SH3GL2: variants seen among roughly 807,000 people sequenced by gnomAD.
SH3GL2 encodes the protein SH3 domain containing GRB2 like 2, endophilin A1, also known as endophilin-A1.
SH3GL2 carries 24 observed loss-of-function variants against 46.0 expected under a neutral mutation model. The ratio of observed to expected loss-of-function variants is 0.52; its 90% CI spans 0.38 to 0.73. The LOEUF is 0.73. SH3GL2 is among the 30% of genes least tolerant of loss of function. The pLI is 0.00. For missense variants in SH3GL2, 413 were observed against 424.2 expected (o/e 0.97, Z 0.23); for synonymous variants, 196 against 147.1 (o/e 1.33, Z -2.40).
intron 1 of SH3GL2, among the ~76,000 whole-genome samples, chr9:17,605,274 AG>A (rs1460945683): frequency 6.6e-6 from 1 of 152,082 alleles, no homozygotes; most frequent in Non-Finnish European, 1.5e-5. Flanking sequence ...CTACTGCAGT[AG>A]GCTACAGTTA....
rs1820832961 is a variant in SH3GL2 at position 17,683,718 on chromosome 9, TG to T, written c.46-63344del. On this transcript the variant is annotated intron_variant, in intron 1 of 8. Transcript: ENST00000380607. ...TGCTGATGGTCTACTGCTAGGGGAG[TG>T]GGGAGAACATGGAGAAAGACCTCCC... 2.0e-5 allele frequency among the ~76,000 whole-genome samples: 3 copies of T among 151,322 alleles called. No individual in the cohort carries two copies. In the South Asian group the frequency reaches 6.3e-4, roughly 32 times the overall value.
chr9:17,789,166 A>G lies in SH3GL2; in HGVS notation c.466-226A>G, dbSNP rs1208023087. Reference sequence around the variant, plus strand: ...AAAATAAAGGGCACTGATATTTCCTATAATTTATCTTTTATTCTTAATTAT... The same window carrying G: ...AAAATAAAGGGCACTGATATTTCCTGTAATTTATCTTTTATTCTTAATTAT... On this transcript the variant is annotated intron_variant, in intron 5 of 8. Transcript: ENST00000380607. Among the ~76,000 whole-genome samples, 5 of 152,206 alleles carry G rather than the reference A, an allele frequency of 3.3e-5. No individual in the cohort carries two copies. The East Asian group carries it at 5.8e-4, about 18-fold the overall frequency.
At chr9:17,657,186 A>G (rs1820106099) in intron 1 of SH3GL2, among the ~76,000 whole-genome samples, 1 of 152,224 alleles carries the variant, frequency 6.6e-6, no homozygotes, top group Non-Finnish European at 1.5e-5. Flanking sequence ...GTTAGTTGCC[A>G]GGCACTTTAC....
At chr9:17,661,410 G>C (rs574472311) in intron 1 of SH3GL2, among the ~76,000 whole-genome samples, 38 of 152,190 alleles carry the variant, frequency 2.5e-4, no homozygotes, top group Admixed American at 1.8e-3. Context: ...ACAAAGATGT[G>C]TACACAGTGG....
At chr9:17,728,782 A>C (rs2118397876) in intron 1 of SH3GL2, among the ~76,000 whole-genome samples, 1 of 152,234 alleles carries the variant, frequency 6.6e-6, no homozygotes, top group East Asian at 1.9e-4. Flanking sequence ...ATCCTCATCC[A>C]TGTCTCTGCA....
chr9:17,605,960 A>G (rs1818752617), intron 1 of SH3GL2, among the ~76,000 whole-genome samples: 1 of 151,890 alleles, frequency 6.6e-6, no homozygotes, highest in South Asian at 2.1e-4. Context: ...TATTTTTTGA[A>G]CTCTGACACT....
In SH3GL2 at chr9:17,795,806, G is replaced by A. The variant is rs796695246; in HGVS notation, c.*63G>A. On this transcript the variant is annotated 3_prime_UTR_variant, in exon 9 of 9. Transcript: ENST00000380607. ...ATAGTTACGGTTAACCACTGCTTTG[G>A]CAATGCTGCTTATAACACATCCCAA... 1.2e-5 allele frequency: 16 copies of A among 1,345,232 alleles called. No homozygotes were observed. The highest frequency in any genetic ancestry group is 2.6e-5 in the South Asian group (2 of 77,688). The allele number at this position is 1,345,232 out of a possible 1,614,324, so 83.3% of individuals were successfully genotyped here.
chr9:17,795,092 G>T (rs117133675), intron 8 of SH3GL2, among the ~76,000 whole-genome samples: 3 of 152,140 alleles, frequency 2.0e-5, no homozygotes, highest in Admixed American at 1.3e-4. Context: ...CATTCTCCAT[G>T]TAATTCACCA....
chr9:17,661,889 G>A (rs185871751), intron 1 of SH3GL2, among the ~76,000 whole-genome samples: 3 of 152,270 alleles, frequency 2.0e-5, no homozygotes, highest in Admixed American at 6.5e-5. Flanking sequence ...TAAAATGTGT[G>A]TTATAATACT....
rs150030811 is a variant in SH3GL2 at position 17,579,936 on chromosome 9, A to G, written c.45+649A>G. 6.8e-3 allele frequency among the ~76,000 whole-genome samples: 1,038 copies of G among 152,326 alleles called. 4 individuals are homozygous for G. The highest frequency in any genetic ancestry group is 0.027 in the Middle Eastern group (8 of 294). On this transcript the variant is annotated intron_variant, in intron 1 of 8. Coordinates refer to ENST00000380607, the MANE Select transcript of SH3GL2 (RefSeq NM_003026.5). The stretch of plus-strand genomic sequence containing the variant: ...GACAAACAGTCTGCGGGTCTTAAAT[A>G]TTTCCCTAAAACAACCAAATTGTTG...
intron 1 of SH3GL2, among the ~76,000 whole-genome samples, chr9:17,728,509 G>T (rs1433847967): frequency 6.6e-6 from 1 of 151,820 alleles, no homozygotes; most frequent in East Asian, 1.9e-4. Flanking sequence ...TAAGTTCTGG[G>T]ATACATGTGC....
At chr9:17,776,808 GA>G (rs1331813252) in intron 3 of SH3GL2, among the ~76,000 whole-genome samples, 1 of 152,098 alleles carries the variant, frequency 6.6e-6, no homozygotes, top group East Asian at 1.9e-4. Context: ...CTTTCTGGAA[GA>G]AAAACCTTGA....
chr9:17,792,481 A>G (rs371345399), intron 7 of SH3GL2, among the ~76,000 whole-genome samples: 4 of 152,170 alleles, frequency 2.6e-5, no homozygotes, highest in East Asian at 1.9e-4. Context: ...TTGTTTATTG[A>G]ATAACTGAAA....
intron 1 of SH3GL2, among the ~76,000 whole-genome samples, chr9:17,626,088 C>G (rs1347334024): frequency 2.0e-5 from 3 of 152,148 alleles, no homozygotes; most frequent in Admixed American, 6.5e-5. Context: ...CCACTTGGCT[C>G]TTTGGTTTTG....
intron 1 of SH3GL2, among the ~76,000 whole-genome samples, chr9:17,732,774 A>G (rs1822218145): frequency 6.6e-6 from 1 of 152,152 alleles, no homozygotes; most frequent in African/African-American, 2.4e-5. Flanking sequence ...TTTCCAAGAA[A>G]ATGTTCACCA....
In SH3GL2 at chr9:17,787,312, A is replaced by G. The variant is rs929071714; in HGVS notation, c.332-68A>G. On this transcript the variant is annotated intron_variant, in intron 4 of 8. Coordinates refer to ENST00000380607, the MANE Select transcript of SH3GL2 (RefSeq NM_003026.5). ...TAATCCTTTGGGTTTTCATCTGTGA[A>G]GGGCCCTGTTATTGCGAGTGCATTT... 1.2e-5 allele frequency: 16 copies of G among 1,298,266 alleles called. No homozygotes were observed. The African/African-American group carries it at 2.4e-4, about 19-fold the overall frequency. 80.4% of individuals were successfully genotyped at this position (1,298,266 alleles called of 1,614,324 possible).
intron 2 of SH3GL2, among the ~76,000 whole-genome samples, chr9:17,759,717 C>T (rs1353615595): frequency 2.0e-5 from 3 of 152,002 alleles, no homozygotes; most frequent in Non-Finnish European, 4.4e-5. Flanking sequence ...TTGGTCAGCC[C>T]CTTAACAGCA....
chr9:17,658,912 C>T (rs1002607859), intron 1 of SH3GL2, among the ~76,000 whole-genome samples: 2 of 152,180 alleles, frequency 1.3e-5, no homozygotes, highest in Non-Finnish European at 2.9e-5. Flanking sequence ...TCAGGACCTG[C>T]TTGAAGTGCA....
intron 1 of SH3GL2, among the ~76,000 whole-genome samples, chr9:17,642,093 C>T (rs922473308): frequency 6.6e-6 from 1 of 152,118 alleles, no homozygotes; most frequent in African/African-American, 2.4e-5. Context: ...CACATCCTCG[C>T]CAGCATCTGT....
Sources: gnomAD v4.1 joint callset for allele counts (sites outside exome capture counted in the v4.1 genomes callset) on GRCh38, gnomAD v4.1.1 for gene constraint, MANE v1.5 for transcripts, NCBI Gene and HGNC (gene_info 2026-07-23, HGNC 2026-07-21) for gene names.